Variants in DDX31 observed in about 807,000 individuals in gnomAD.
The protein encoded by DDX31 is ATP-dependent DNA helicase DDX31.
A neutral mutation model predicts 91.3 loss-of-function variants in DDX31; 70 were observed. The observed-to-expected ratio is 0.77, with a 90% CI of 0.63 to 0.94. DDX31 has a LOEUF of 0.94. Ranked by LOEUF, DDX31 falls within the 40% of genes least tolerant of loss-of-function variation. The probability of loss-of-function intolerance (pLI) is 0.00; values close to 1 mark genes in which losing one functional copy is unlikely to be tolerated. For missense variants in DDX31, 902 were observed against 925.0 expected, an observed-to-expected ratio of 0.98 and a Z score of 0.32; for synonymous variants, 362 against 350.6, an observed-to-expected ratio of 1.03 and a Z score of -0.36.
Position 132,636,059 on chromosome 9 carries a change from G to GGT in DDX31, c.1441-3969_1441-3968insAC, listed in dbSNP as rs576942335. On this transcript the variant is annotated intron_variant, in intron 14 of 19. Transcript: ENST00000372159. ...ATCACTCCCCCAGAAGGACCACTGA[G>GGT]GGTACCTCAGGATTTGTCTGTCTTC... Among the ~76,000 whole-genome samples, 656 of 152,328 alleles carry GGT rather than the reference G, an allele frequency of 4.3e-3. 3 individuals are homozygous for GGT. Among genetic ancestry groups the GGT allele is most frequent in the Non-Finnish European group, 7.0e-3 (476 of 68,020 alleles).
At chr9:132,638,513 CT>C in intron 14 of DDX31, 1 of 1,109,810 alleles carries the variant, frequency 9.0e-7, no homozygotes, top group Non-Finnish European at 1.3e-6. Context: ...TTGGCTTTTT[CT>C]TAGATCTAGT....
In DDX31 at chr9:132,660,850, CTT is replaced by C. The variant is rs1194218795; in HGVS notation, c.452+356_452+357del. Among the ~76,000 whole-genome samples, 9 of 152,192 alleles carry C rather than the reference CTT, an allele frequency of 5.9e-5. No individual in the cohort carries two copies. In the South Asian group the frequency reaches 1.0e-3, roughly 18 times the overall value. On this transcript the variant is annotated intron_variant, in intron 4 of 19. Coordinates refer to ENST00000372159, the MANE Select transcript of DDX31 (RefSeq NM_022779.9). ...CACTCTATCCAACTGAACATTTACT[CTT>C]GTCTTTTTGGTTGACCCTAATTCTT...
intron 13 of DDX31, among the ~76,000 whole-genome samples, chr9:132,643,773 T>A (rs1833647225): frequency 6.6e-6 from 1 of 152,052 alleles, no homozygotes; most frequent in East Asian, 1.9e-4. Flanking sequence ...AAAGGACAGA[T>A]CCATTTGTCC....
intron 14 of DDX31, among the ~76,000 whole-genome samples, chr9:132,637,037 T>A (rs570324379): frequency 1.3e-5 from 2 of 152,324 alleles, no homozygotes; most frequent in South Asian, 4.2e-4. Context: ...TGAGACTCTG[T>A]AAATCTCACT....
rs781568454 is a variant in DDX31, at chr9:132,625,644, C to A, written c.1713+20G>T. 2 of 1,604,880 alleles carry A rather than the reference C, an allele frequency of 1.2e-6. No individual in the cohort carries two copies. The highest frequency in any genetic ancestry group is 2.2e-5 in the East Asian group (1 of 44,830). ...GAGTCACATCTGTTGGCAGCGAGCA[C>A]AATAAATAACAAAACTCACCTGGGC... On this transcript the variant is annotated intron_variant, in intron 17 of 19. Transcript: ENST00000372159.
intron 6 of DDX31, chr9:132,658,341 T>C (rs1017920488): frequency 4.3e-6 from 3 of 703,364 alleles, no homozygotes; most frequent in Middle Eastern, 2.3e-4. Flanking sequence ...CTTCGTAAAA[T>C]GTGGATAACA....
intron 14 of DDX31, among the ~76,000 whole-genome samples, chr9:132,639,581 A>G (rs1483162615): frequency 6.6e-6 from 1 of 152,196 alleles, no homozygotes; most frequent in African/African-American, 2.4e-5. Flanking sequence ...CATCAGCCAG[A>G]CAGAACAAGG....
chr9:132,666,860 C>T (rs1835346435), intron 1 of DDX31, among the ~76,000 whole-genome samples: 1 of 152,126 alleles, frequency 6.6e-6, no homozygotes, highest in African/African-American at 2.4e-5. Context: ...TCACCCACCA[C>T]CAGCCACCAC....
At chr9:132,604,448 A>G (rs1429465310) in intron 19 of DDX31, among the ~76,000 whole-genome samples, 1 of 152,182 alleles carries the variant, frequency 6.6e-6, no homozygotes, top group Non-Finnish European at 1.5e-5. Context: ...CAGCTGGCCC[A>G]GGTTCTACAT....
At chr9:132,616,775 T>A (rs554317798) in intron 18 of DDX31, among the ~76,000 whole-genome samples, 1 of 152,142 alleles carries the variant, frequency 6.6e-6, no homozygotes, top group African/African-American at 2.4e-5. Context: ...CAAGACAGGA[T>A]ATTATTAGAG....
chr9:132,669,800 G>T, intron 1 of DDX31, 60 bp downstream of exon 1: 1 of 1,522,174 alleles, frequency 6.6e-7, no homozygotes, highest in Non-Finnish European at 8.8e-7. Context: ...GCTGCAGCTC[G>T]CGGCGCGCCC....
intron 19 of DDX31, among the ~76,000 whole-genome samples, chr9:132,611,149 G>A (rs1248978699): frequency 1.3e-5 from 2 of 152,212 alleles, no homozygotes; most frequent in African/African-American, 4.8e-5. Context: ...CAGAGTCAGT[G>A]GGGGAGCCTG....
intron 15 of DDX31, among the ~76,000 whole-genome samples, chr9:132,630,617 C>T (rs899265007): frequency 6.6e-6 from 1 of 152,202 alleles, no homozygotes; most frequent in African/African-American, 2.4e-5. Context: ...GAACAGTGGC[C>T]AAGTTTCCGA....
chr9:132,660,320 A>G (rs1834853757), intron 4 of DDX31, among the ~76,000 whole-genome samples: 1 of 150,574 alleles, frequency 6.6e-6, no homozygotes, highest in African/African-American at 2.4e-5. Flanking sequence ...GGGCAACAAG[A>G]GCAAAACTCC....
intron 14 of DDX31, among the ~76,000 whole-genome samples, chr9:132,641,028 A>G (rs1833473004): frequency 6.6e-6 from 1 of 152,188 alleles, no homozygotes; most frequent in Non-Finnish European, 1.5e-5. Context: ...CTCACACACG[A>G]GAAATGACAC....
intron 3 of DDX31, among the ~76,000 whole-genome samples, chr9:132,661,665 G>T (rs1240781674): frequency 6.6e-6 from 1 of 152,198 alleles, no homozygotes; most frequent in African/African-American, 2.4e-5. Context: ...AGAAGGGGTA[G>T]TAAGCTGTAA....
intron 17 of DDX31, among the ~76,000 whole-genome samples, chr9:132,624,540 T>A (rs1436451490): frequency 6.6e-6 from 1 of 152,238 alleles, no homozygotes; most frequent in African/African-American, 2.4e-5. Flanking sequence ...GTTAAATATA[T>A]GTGCTTTGAA....
At chr9:132,625,315 A>G (rs1350231011) in intron 17 of DDX31, among the ~76,000 whole-genome samples, 1 of 152,124 alleles carries the variant, frequency 6.6e-6, no homozygotes, top group African/African-American at 2.4e-5. Context: ...AGGCAGGTCT[A>G]GGCAGCCGTC....
At chr9:132,665,328 C>T (rs1211686391) in intron 1 of DDX31, among the ~76,000 whole-genome samples, 1 of 152,190 alleles carries the variant, frequency 6.6e-6, no homozygotes, top group Non-Finnish European at 1.5e-5. Context: ...TGTCAAGAAG[C>T]TTCGTTCTGA....
Sources: allele counts gnomAD v4.1 joint callset (sites outside exome capture counted in the v4.1 genomes callset), GRCh38; gene constraint gnomAD v4.1.1; transcripts MANE v1.5; gene names NCBI Gene and HGNC (gene_info 2026-07-23, HGNC 2026-07-21).